Variants in TRIO observed in about 807,000 individuals in gnomAD.
TRIO encodes trio Rho guanine nucleotide exchange factor.
In TRIO, 58 loss-of-function variants were observed where a neutral mutation model predicts 351.9. That is an observed-to-expected ratio of 0.16 (90% CI 0.13 to 0.21). TRIO has a LOEUF of 0.21. Among genes scored for constraint, TRIO ranks in the 10% least tolerant of loss-of-function variants. The probability of loss-of-function intolerance (pLI) is 1.00; values close to 1 mark genes in which losing one functional copy is unlikely to be tolerated. For synonymous variants in TRIO, 1,758 were observed against 1,595.7 expected (o/e 1.10, Z -2.42); for missense variants, 3,201 against 4,027.8 (o/e 0.79, Z 5.56).
In TRIO at chr5:14,487,552, C is replaced by CGGCGGCGGCGGGGCCCCCAGT. The variant is rs1756036389; in HGVS notation, c.6931_6951dup (p.Gly2311_Gly2317dup). 8 of 1,061,846 alleles carry CGGCGGCGGCGGGGCCCCCAGT rather than the reference C, an allele frequency of 7.5e-6. No individual in the cohort carries two copies. Among genetic ancestry groups the CGGCGGCGGCGGGGCCCCCAGT allele is most frequent in the South Asian group, 4.4e-5 (1 of 22,608 alleles). The allele number at this position is 1,061,846 out of a possible 1,614,324, so 65.8% of individuals were successfully genotyped here. A position where few individuals can be genotyped will look rare whatever the true frequency, so the allele number is the denominator to read the frequency against. ...GGGGCAGCGGCGGGGGTGGGGGCAG[C>CGGCGGCGGCGGGGCCCCCAGT]GGCGGCGGCGGGGCCCCCAGTGGCG... On this transcript the variant is annotated inframe_insertion, in exon 48 of 57. Transcript: ENST00000344204.
intron 1 of TRIO, among the ~76,000 whole-genome samples, chr5:14,214,757 T>A (rs1295921245): frequency 6.6e-6 from 1 of 152,234 alleles, no homozygotes; most frequent in Non-Finnish European, 1.5e-5. Flanking sequence ...ACCTCATTGA[T>A]TTGTCTGTGA....
chr5:14,168,204 A>G (rs1489046584), intron 1 of TRIO, among the ~76,000 whole-genome samples: 1 of 152,226 alleles, frequency 6.6e-6, no homozygotes, highest in Non-Finnish European at 1.5e-5. Flanking sequence ...TCATCCTGAA[A>G]TCAGTGAAAT....
intron 19 of TRIO, among the ~76,000 whole-genome samples, chr5:14,377,020 A>G (rs1379098209): frequency 6.6e-6 from 1 of 152,238 alleles, no homozygotes; most frequent in Non-Finnish European, 1.5e-5. Flanking sequence ...TCATTCTTCT[A>G]AAGAATTGTT....
intron 38 of TRIO, 27 bp downstream of exon 38, chr5:14,471,493 T>G (rs374968033): frequency 4.3e-6 from 7 of 1,612,854 alleles, no homozygotes; most frequent in African/African-American, 1.3e-5. Context: ...TTCATTCTTA[T>G]TGTTCTCTGG....
intron 3 of TRIO, among the ~76,000 whole-genome samples, chr5:14,281,424 A>ACCCC (rs3061076): frequency 9.8e-4 from 88 of 89,352 alleles, no homozygotes; most frequent in African/African-American, 2.6e-3. Flanking sequence ...AGCCGTTAGA[A>ACCCC]CCCCCCCCCC....
intron 31 of TRIO, among the ~76,000 whole-genome samples, chr5:14,404,101 G>C (rs1748499311): frequency 6.6e-6 from 1 of 151,782 alleles, no homozygotes; most frequent in Non-Finnish European, 1.5e-5. Flanking sequence ...TGAGGGTGTA[G>C]GCAGTGGTAG....
intron 1 of TRIO, among the ~76,000 whole-genome samples, chr5:14,157,826 G>GA (rs1788208249): frequency 6.6e-6 from 1 of 152,090 alleles, no homozygotes; most frequent in Non-Finnish European, 1.5e-5. Flanking sequence ...GGGCTCAAGC[G>GA]ATCCACCTGC....
chr5:14,334,274 C>T (rs562432389), intron 10 of TRIO, among the ~76,000 whole-genome samples: 80 of 152,288 alleles, frequency 5.3e-4, no homozygotes, highest in Middle Eastern at 3.4e-3. Context: ...GGGAAGGTCT[C>T]GTTCCCGGGA....
At chr5:14,218,880 T>C (rs1792396879) in intron 1 of TRIO, among the ~76,000 whole-genome samples, 1 of 152,200 alleles carries the variant, frequency 6.6e-6, no homozygotes, top group Admixed American at 6.5e-5. Context: ...AGGACTGGGA[T>C]GTGGAAGTGG....
At chr5:14,331,366 G>A (rs1314486524) in intron 10 of TRIO, among the ~76,000 whole-genome samples, 2 of 152,108 alleles carry the variant, frequency 1.3e-5, no homozygotes, top group African/African-American at 2.4e-5. Context: ...TGGACAAGTC[G>A]CTTAACCTTT....
intron 1 of TRIO, among the ~76,000 whole-genome samples, chr5:14,231,884 G>C (rs1314348909): frequency 1.3e-5 from 2 of 149,304 alleles, no homozygotes; most frequent in Non-Finnish European, 3.0e-5. Context: ...TACTATCATA[G>C]GCCATTTGAG....
At chr5:14,156,773 G>A (rs1192346236) in intron 1 of TRIO, among the ~76,000 whole-genome samples, 1 of 152,186 alleles carries the variant, frequency 6.6e-6, no homozygotes, top group African/African-American at 2.4e-5. Context: ...CTTCTGTTCA[G>A]CTCAGTGCCT....
intron 31 of TRIO, among the ~76,000 whole-genome samples, chr5:14,402,575 G>GA (rs1748170867): frequency 6.6e-6 from 1 of 151,992 alleles, no homozygotes; most frequent in East Asian, 1.9e-4. Context: ...TGATGGCGGT[G>GA]AAAGTTTAGA....
chr5:14,201,291 G>A (rs564409625), intron 1 of TRIO, among the ~76,000 whole-genome samples: 3 of 151,872 alleles, frequency 2.0e-5, no homozygotes, highest in Admixed American at 1.3e-4. Flanking sequence ...AAAATAAAAC[G>A]TTCTCATCTA....
intron 6 of TRIO, among the ~76,000 whole-genome samples, chr5:14,294,348 G>A (rs1169144818): frequency 1.3e-5 from 2 of 152,142 alleles, no homozygotes; most frequent in East Asian, 3.8e-4. Context: ...TGCCATCAAA[G>A]TTTTACGTCT....
chr5:14,377,320 A>C (rs1278450266), intron 19 of TRIO, among the ~76,000 whole-genome samples: 3 of 151,024 alleles, frequency 2.0e-5, no homozygotes, highest in Non-Finnish European at 4.4e-5. Flanking sequence ...ATCTTGGCTC[A>C]CTGCAGCCTC....
chr5:14,173,162 C>A (rs1325762630), intron 1 of TRIO, among the ~76,000 whole-genome samples: 2 of 150,104 alleles, frequency 1.3e-5, no homozygotes, highest in African/African-American at 4.9e-5. Flanking sequence ...TACTGAACAG[C>A]CATCTCAGAT....
chr5:14,449,817 T>C (rs1014645211), intron 34 of TRIO, among the ~76,000 whole-genome samples: 2 of 152,246 alleles, frequency 1.3e-5, no homozygotes, highest in Non-Finnish European at 2.9e-5. Flanking sequence ...ATATGTGAGA[T>C]CCTGTGCATC....
chr5:14,155,676 A>G (rs1374142403), intron 1 of TRIO, among the ~76,000 whole-genome samples: 1 of 152,162 alleles, frequency 6.6e-6, no homozygotes, highest in Non-Finnish European at 1.5e-5. Context: ...CAGGCTGTGC[A>G]TTTTTGGCAG....
Sources: gnomAD v4.1 joint callset for allele counts (sites outside exome capture counted in the v4.1 genomes callset) on GRCh38, gnomAD v4.1.1 for gene constraint, MANE v1.5 for transcripts, NCBI Gene and HGNC (gene_info 2026-07-23, HGNC 2026-07-21) for gene names.